The following ZNF385D variants were observed in gnomAD, a reference collection of about 807,000 sequenced individuals.
ZNF385D encodes zinc finger protein 659.
Under a neutral mutation model 35.8 loss-of-function variants are expected in ZNF385D, and 15 were observed. That is an observed-to-expected ratio of 0.42 (90% CI 0.28 to 0.64). The LOEUF is 0.64. ZNF385D is among the 30% of genes least tolerant of loss of function. The pLI is 0.23. For missense variants in ZNF385D, 474 were observed against 494.6 expected (o/e 0.96, Z 0.39); for synonymous variants, 212 against 186.8 (o/e 1.13, Z -1.10).
intron 2 of ZNF385D, among the ~76,000 whole-genome samples, chr3:22,194,533 G>A (rs540067301): frequency 5.9e-5 from 9 of 151,800 alleles, no homozygotes; most frequent in African/African-American, 1.9e-4. Flanking sequence ...TCAGTTTGCA[G>A]TAAAATTCAC....
chr3:21,674,527 C>G (rs1243609090), intron 1 of ZNF385D, among the ~76,000 whole-genome samples: 3 of 152,062 alleles, frequency 2.0e-5, no homozygotes, highest in Non-Finnish European at 4.4e-5. Flanking sequence ...ATTATAACCC[C>G]TGAAAGCATA....
intron 2 of ZNF385D, among the ~76,000 whole-genome samples, chr3:21,578,716 T>C (rs2063566280): frequency 6.6e-6 from 1 of 152,206 alleles, no homozygotes; most frequent in African/African-American, 2.4e-5. Flanking sequence ...GCCAGAACCA[T>C]GCTGTTTGGG....
chr3:21,975,650 T>C (rs767043009), intron 3 of ZNF385D, among the ~76,000 whole-genome samples: 1 of 150,222 alleles, frequency 6.7e-6, no homozygotes, highest in Non-Finnish European at 1.5e-5. Context: ...TCAAAATACC[T>C]CATGTGCCCT....
intron 3 of ZNF385D, among the ~76,000 whole-genome samples, chr3:22,126,334 T>G (rs1703430574): frequency 6.7e-6 from 1 of 149,790 alleles, no homozygotes; most frequent in Non-Finnish European, 1.5e-5. Context: ...TTTTTTTCAC[T>G]TTTTTGGTGT....
intron 3 of ZNF385D, among the ~76,000 whole-genome samples, chr3:22,000,846 C>G (rs1193727243): frequency 2.0e-5 from 3 of 148,766 alleles, no homozygotes; most frequent in Non-Finnish European, 4.5e-5. Flanking sequence ...CCCAGACAAG[C>G]AAAAACTGAG....
chr3:22,285,732 T>C (rs1337815683), intron 2 of ZNF385D, among the ~76,000 whole-genome samples: 1 of 152,110 alleles, frequency 6.6e-6, no homozygotes, highest in East Asian at 1.9e-4. Flanking sequence ...CCTTCCCTAG[T>C]AGGAAGAAAT....
intron 3 of ZNF385D, among the ~76,000 whole-genome samples, chr3:22,057,648 G>A (rs183333316): frequency 2.0e-5 from 3 of 151,748 alleles, no homozygotes; most frequent in African/African-American, 7.3e-5. Context: ...TAGCTGGAAC[G>A]ACAGGCAGGC....
intron 3 of ZNF385D, among the ~76,000 whole-genome samples, chr3:22,167,745 T>C (rs1041800861): frequency 6.6e-6 from 1 of 152,216 alleles, no homozygotes; most frequent in African/African-American, 2.4e-5. Context: ...GTTTATCTTA[T>C]GCCTATAGAA....
At chr3:21,502,263 G>A (rs926154276) in intron 4 of ZNF385D, among the ~76,000 whole-genome samples, 1 of 152,192 alleles carries the variant, frequency 6.6e-6, no homozygotes, top group Non-Finnish European at 1.5e-5. Flanking sequence ...GACAGACTTT[G>A]TCACAGGTTA....
intron 3 of ZNF385D, among the ~76,000 whole-genome samples, chr3:21,525,979 C>T (rs376571648): frequency 1.3e-5 from 2 of 152,018 alleles, no homozygotes; most frequent in East Asian, 3.9e-4. Context: ...TTTTTGTAGA[C>T]AAGTGCACAA....
intron 3 of ZNF385D, among the ~76,000 whole-genome samples, chr3:22,021,920 A>G (rs1697245822): frequency 6.6e-6 from 1 of 152,054 alleles, no homozygotes; most frequent in South Asian, 2.1e-4. Context: ...TAATGTGCAG[A>G]CAAGTTTGAC....
chr3:21,835,166 T>C (rs1359429760), intron 3 of ZNF385D, among the ~76,000 whole-genome samples: 1 of 151,928 alleles, frequency 6.6e-6, no homozygotes, highest in Non-Finnish European at 1.5e-5. Flanking sequence ...GGTACTATCA[T>C]ATGTGAGAAT....
chr3:21,565,801 A>C (rs2063123793), intron 2 of ZNF385D, among the ~76,000 whole-genome samples: 1 of 152,154 alleles, frequency 6.6e-6, no homozygotes, highest in African/African-American at 2.4e-5. Flanking sequence ...ACTTATAAGT[A>C]AGTCTTCATA....
intron 3 of ZNF385D, among the ~76,000 whole-genome samples, chr3:21,530,067 G>GGTTGTTTA: frequency 6.6e-6 from 1 of 152,058 alleles, no homozygotes; most frequent in Middle Eastern, 3.4e-3. Context: ...TGCAAGAGCT[G>GGTTGTTTA]GTTGTTTAAA....
At chr3:21,523,235 G>A (rs1001141475) in intron 3 of ZNF385D, among the ~76,000 whole-genome samples, 1 of 152,168 alleles carries the variant, frequency 6.6e-6, no homozygotes, top group Non-Finnish European at 1.5e-5. Context: ...TAGATCGGTG[G>A]ATTGAGAATC....
At chr3:21,824,024 T>A (rs578163909) in intron 3 of ZNF385D, among the ~76,000 whole-genome samples, 1 of 152,196 alleles carries the variant, frequency 6.6e-6, no homozygotes, top group Non-Finnish European at 1.5e-5. Context: ...ATTTTGGGTA[T>A]AGACTGAGCA....
intron 3 of ZNF385D, among the ~76,000 whole-genome samples, chr3:21,856,123 T>A (rs1341775526): frequency 7.1e-6 from 1 of 141,122 alleles, no homozygotes; most frequent in African/African-American, 3.2e-5. Flanking sequence ...GAGGAGAAAT[T>A]TTTTTCTTGC....
chr3:21,682,033 A>G (rs2066927839), intron 1 of ZNF385D, among the ~76,000 whole-genome samples: 1 of 152,192 alleles, frequency 6.6e-6, no homozygotes, highest in South Asian at 2.1e-4. Flanking sequence ...GTGAGAATCA[A>G]CCACAGTAAG....
chr3:21,666,588 C>T (rs2066414734), intron 1 of ZNF385D, among the ~76,000 whole-genome samples: 1 of 152,070 alleles, frequency 6.6e-6, no homozygotes, highest in South Asian at 2.1e-4. Flanking sequence ...CTACATTCAC[C>T]AGAGCACACA....
Sources: allele counts gnomAD v4.1 joint callset (sites outside exome capture counted in the v4.1 genomes callset), GRCh38; gene constraint gnomAD v4.1.1; transcripts MANE v1.5; gene names NCBI Gene and HGNC (gene_info 2026-07-23, HGNC 2026-07-21).